SUSD6: variants seen among roughly 807,000 people sequenced by gnomAD.
The protein encoded by SUSD6 is sushi domain containing 6, also known as sushi domain-containing protein 6.
SUSD6 carries 16 observed loss-of-function variants against 28.4 expected under a neutral mutation model. The ratio of observed to expected loss-of-function variants is 0.56; its 90% CI spans 0.38 to 0.86. The LOEUF (loss-of-function observed/expected upper bound fraction) is 0.86. SUSD6 is among the 40% of genes least tolerant of loss of function. SUSD6 has a pLI of 0.00. For missense variants in SUSD6, 341 were observed against 384.2 expected (o/e 0.89, Z 0.94); for synonymous variants, 147 against 159.6 (o/e 0.92, Z 0.59).
intron 1 of SUSD6, among the ~76,000 whole-genome samples, chr14:69,636,656 C>CT (rs1207349001): frequency 5.8e-4 from 89 of 152,342 alleles, no homozygotes; most frequent in Non-Finnish European, 2.4e-4. Context: ...GGTAGCCAGT[C>CT]TTTTTTTCTC....
intron 2 of SUSD6, among the ~76,000 whole-genome samples, chr14:69,699,677 T>G (rs1267116205): frequency 6.6e-6 from 1 of 151,982 alleles, no homozygotes; most frequent in Non-Finnish European, 1.5e-5. Context: ...GTACTGAGTT[T>G]ATTTTGCCAT....
At chr14:69,693,683 A>C (rs1886183986) in intron 2 of SUSD6, among the ~76,000 whole-genome samples, 1 of 152,212 alleles carries the variant, frequency 6.6e-6, no homozygotes, top group Non-Finnish European at 1.5e-5. Flanking sequence ...TCAAGTATGC[A>C]GTTTTGTTAG....
intron 2 of SUSD6, among the ~76,000 whole-genome samples, chr14:69,700,455 A>G (rs1306028716): frequency 6.6e-6 from 1 of 152,204 alleles, no homozygotes; most frequent in Non-Finnish European, 1.5e-5. Context: ...ATAATTATAA[A>G]TATCTCCTTT....
intron 1 of SUSD6, among the ~76,000 whole-genome samples, chr14:69,644,059 C>T (rs1003609801): frequency 6.6e-6 from 1 of 152,100 alleles, no homozygotes; most frequent in Non-Finnish European, 1.5e-5. Flanking sequence ...CACTTTGTAC[C>T]TCATGTTGTA....
chr14:69,639,313 CA>C (rs57837741), intron 1 of SUSD6, among the ~76,000 whole-genome samples: 106 of 54,568 alleles, frequency 1.9e-3, no homozygotes, highest in African/African-American at 7.8e-3. Flanking sequence ...GACTCCGTCT[CA>C]AAAAAAAAAA....
intron 1 of SUSD6, among the ~76,000 whole-genome samples, chr14:69,641,070 T>C (rs1287216428): frequency 6.6e-6 from 1 of 152,266 alleles, no homozygotes; most frequent in Non-Finnish European, 1.5e-5. Flanking sequence ...AGTGATGGAA[T>C]GGAGCCTCCA....
chr14:69,631,159 A>G (rs910075466), intron 1 of SUSD6, among the ~76,000 whole-genome samples: 3 of 152,164 alleles, frequency 2.0e-5, no homozygotes, highest in East Asian at 1.9e-4. Flanking sequence ...TTAGACTTTC[A>G]AAATCAGCCC....
intron 4 of SUSD6, among the ~76,000 whole-genome samples, chr14:69,706,998 G>A (rs1272031385): frequency 6.6e-6 from 1 of 151,006 alleles, no homozygotes; most frequent in Non-Finnish European, 1.5e-5. Context: ...GAGACAGCTG[G>A]CCTGGACTCT....
intron 1 of SUSD6, among the ~76,000 whole-genome samples, chr14:69,622,578 T>G (rs1033614291): frequency 6.6e-6 from 1 of 152,202 alleles, no homozygotes; most frequent in Non-Finnish European, 1.5e-5. Context: ...GCAGTAAAGA[T>G]TTCTTCATTT....
chr14:69,680,235 CACTGGATACT>C (rs924705167), intron 2 of SUSD6, among the ~76,000 whole-genome samples: 1 of 152,136 alleles, frequency 6.6e-6, no homozygotes, highest in Non-Finnish European at 1.5e-5. Flanking sequence ...CCCCAGTTTC[CACTGGATACT>C]TGAGTTTCTG....
chr14:69,623,564 A>G (rs1444340877), intron 1 of SUSD6, among the ~76,000 whole-genome samples: 1 of 152,222 alleles, frequency 6.6e-6, no homozygotes, highest in East Asian at 1.9e-4. Context: ...CTACTTAGGA[A>G]AAAACTCCCC....
At chr14:69,649,198 C>T (rs978233522) in intron 1 of SUSD6, among the ~76,000 whole-genome samples, 1 of 152,224 alleles carries the variant, frequency 6.6e-6, no homozygotes, top group Non-Finnish European at 1.5e-5. Context: ...AAGAATTGAA[C>T]TGTGCCCCAA....
In SUSD6 at chr14:69,711,120, C is replaced by CCCG. The variant is rs1886456513; in HGVS notation, c.*143_*144insGCC. The CCCG allele has an allele frequency of 1.3e-6, 1 of 753,444 alleles. No homozygotes were observed. Among genetic ancestry groups the CCCG allele is most frequent in the Admixed American group, 2.4e-5 (1 of 42,456 alleles). The allele number at this position is 753,444 out of a possible 1,614,324, so 46.7% of individuals were successfully genotyped here. A position where few individuals can be genotyped will look rare whatever the true frequency, so the allele number is the denominator to read the frequency against. On this transcript the variant is annotated 3_prime_UTR_variant, in exon 6 of 6. Transcript: ENST00000342745. ...CTGTGTATCTGTGTATCTCTGAGGG[C>CCCG]CCTATAGGCCCACCTTGCTGGAAAC...
Position 69,707,348 on chromosome 14 carries a change from C to T in SUSD6, c.459-1329C>T, listed in dbSNP as rs140682368. Reference sequence around the variant, plus strand: ...TGTTTATGTGTATAACAAAAGTGATCCCCAAAAAAGATATCCGCATGAATA... The same window carrying T: ...TGTTTATGTGTATAACAAAAGTGATTCCCAAAAAAGATATCCGCATGAATA... On this transcript the variant is annotated intron_variant, in intron 4 of 5. Transcript: ENST00000342745. Among the ~76,000 whole-genome samples, 1,339 of 152,210 alleles carry T rather than the reference C, an allele frequency of 8.8e-3. 8 individuals are homozygous for T. Among genetic ancestry groups the T allele is most frequent in the Middle Eastern group, 0.02 (6 of 294 alleles).
chr14:69,652,457 AAAAT>A (rs954776531), intron 1 of SUSD6, among the ~76,000 whole-genome samples: 1 of 152,252 alleles, frequency 6.6e-6, no homozygotes, highest in African/African-American at 2.4e-5. Context: ...TGTCTCGGAA[AAAAT>A]AAATAAATAA....
chr14:69,658,625 C>T lies in SUSD6; in HGVS notation c.33C>T (p.Thr11=), dbSNP rs141925470. ...ATGGCAGGATAGCACCAAAGAGCAC[C>T]TCAGTGTTTGCCGTGGCCTCCGTGG... MCHGRIAPKS[T]SVFAVASVGH... Residue 11 remains threonine (T), a synonymous_variant, in exon 2 of 6, where the codon ACC becomes ACT. Transcript: ENST00000342745. 3.1e-6 allele frequency: 5 copies of T among 1,613,990 alleles called. No homozygotes were observed. The highest frequency in any genetic ancestry group is 4.2e-6 in the Non-Finnish European group (5 of 1,179,990).
At chr14:69,706,752 A>T (rs1886392932) in intron 4 of SUSD6, among the ~76,000 whole-genome samples, 1 of 152,118 alleles carries the variant, frequency 6.6e-6, no homozygotes, top group African/African-American at 2.4e-5. Flanking sequence ...CCTTCCTTCC[A>T]AAAACCTCTG....
intron 2 of SUSD6, among the ~76,000 whole-genome samples, chr14:69,692,056 A>AAT: frequency 6.6e-6 from 1 of 151,800 alleles, no homozygotes; most frequent in African/African-American, 2.4e-5. Flanking sequence ...AAAAAAAAAA[A>AAT]GAAGTCATGT....
intron 1 of SUSD6, 23 bp from the exon 2 acceptor site, chr14:69,658,490 A>G: frequency 8.0e-7 from 1 of 1,250,414 alleles, no homozygotes; most frequent in Non-Finnish European, 1.1e-6. Flanking sequence ...TTTTCACTTT[A>G]TGTCCTTGTT....
Sources: allele counts gnomAD v4.1 joint callset (sites outside exome capture counted in the v4.1 genomes callset), GRCh38; gene constraint gnomAD v4.1.1; transcripts MANE v1.5; gene names NCBI Gene and HGNC (gene_info 2026-07-23, HGNC 2026-07-21).